SLC2A9: variants seen among roughly 807,000 people sequenced by gnomAD.
The protein encoded by SLC2A9 is solute carrier family 2 member 9.
SLC2A9 carries 39 observed loss-of-function variants against 50.6 expected under a neutral mutation model. The observed-to-expected ratio is 0.77, with a 90% confidence interval of 0.60 to 1.01. The LOEUF is 1.01. Among genes scored for constraint, SLC2A9 ranks in the 50% least tolerant of loss-of-function variants. The pLI is 0.00. For synonymous variants in SLC2A9, 324 were observed against 276.9 expected (o/e 1.17, Z -1.69); for missense variants, 686 against 677.6 (o/e 1.01, Z -0.14).
At chr4:9,775,742 C>A (rs1263488562), downstream of SLC2A9, among the ~76,000 whole-genome samples, 1 of 152,152 alleles carries the variant, frequency 6.6e-6, no homozygotes, top group African/African-American at 2.4e-5. Flanking sequence ...CAGATGCCAG[C>A]ACCATGCTTC....
chr4:9,992,703 A>AT (rs1372143796), intron 3 of SLC2A9, among the ~76,000 whole-genome samples: 1 of 152,150 alleles, frequency 6.6e-6, no homozygotes, highest in East Asian at 1.9e-4. Context: ...ACAGATTTGG[A>AT]TTTTTTAAAA....
At chr4:9,916,222 C>T (rs763537612) in intron 7 of SLC2A9, among the ~76,000 whole-genome samples, 1 of 152,140 alleles carries the variant, frequency 6.6e-6, no homozygotes, top group Non-Finnish European at 1.5e-5. Flanking sequence ...CAACGATTTC[C>T]CAACTAAGTG....
At chr4:9,985,858 C>A (rs1357040904) in intron 3 of SLC2A9, 65 bp from the exon 4 acceptor site, 1 of 1,610,436 alleles carries the variant, frequency 6.2e-7, no homozygotes, top group Non-Finnish European at 8.5e-7. Context: ...AACTGTCCAT[C>A]CCAGGAGCAG....
At chr4:9,881,264 C>T (rs1397386745) in intron 10 of SLC2A9, among the ~76,000 whole-genome samples, 1 of 152,240 alleles carries the variant, frequency 6.6e-6, no homozygotes, top group African/African-American at 2.4e-5. Flanking sequence ...TGGGCCCTAG[C>T]CCTCCAAGAT....
intron 10 of SLC2A9, among the ~76,000 whole-genome samples, chr4:9,886,541 A>G (rs142508886): frequency 1.6e-3 from 249 of 151,086 alleles, no homozygotes; most frequent in African/African-American, 5.8e-3. Context: ...CCACCTTGCC[A>G]TCTTATTATA....
intron 10 of SLC2A9, among the ~76,000 whole-genome samples, chr4:9,853,034 G>A (rs1560194105): frequency 6.6e-6 from 1 of 152,148 alleles, no homozygotes; most frequent in Non-Finnish European, 1.5e-5. Context: ...AAATTAGCTG[G>A]ATGTGGTGGT....
chr4:9,967,776 T>A (rs1318375647), intron 5 of SLC2A9, among the ~76,000 whole-genome samples: 1 of 151,744 alleles, frequency 6.6e-6, no homozygotes, highest in Non-Finnish European at 1.5e-5. Flanking sequence ...GGTAAATGTT[T>A]TTTCCTAAAA....
At chr4:9,968,408 T>TTTGTTAGCTCCTATAACTTCTTCCTC (rs1342483699) in intron 5 of SLC2A9, among the ~76,000 whole-genome samples, 1 of 152,196 alleles carries the variant, frequency 6.6e-6, no homozygotes, top group Non-Finnish European at 1.5e-5. Flanking sequence ...CTTCAACTTC[T>TTTGTTAGCTCCTATAACTTCTTCCTC]TTGTTAGCTC....
At chr4:9,986,834 T>C (rs1035679956) in intron 3 of SLC2A9, among the ~76,000 whole-genome samples, 2 of 152,200 alleles carry the variant, frequency 1.3e-5, no homozygotes, top group African/African-American at 2.4e-5. Context: ...TTCAAATACC[T>C]GACTTGTTTG....
downstream of SLC2A9, among the ~76,000 whole-genome samples, chr4:9,778,074 T>A (rs577025197): frequency 3.1e-4 from 46 of 147,912 alleles, 1 homozygote; most frequent in South Asian, 1.0e-2. Flanking sequence ...CCTTCCTTCC[T>A]TCCTTCCTTC....
At chr4:9,969,391 A>C (rs186066844) in intron 5 of SLC2A9, among the ~76,000 whole-genome samples, 5 of 152,206 alleles carry the variant, frequency 3.3e-5, no homozygotes, top group Non-Finnish European at 7.3e-5. Flanking sequence ...GGTAGTTTTA[A>C]ATTTTTGTCA....
intron 3 of SLC2A9, among the ~76,000 whole-genome samples, chr4:9,805,696 T>C (rs1404815772): frequency 6.7e-6 from 1 of 148,428 alleles, no homozygotes; most frequent in African/African-American, 2.6e-5. Context: ...AGTTTTTTTT[T>C]TTTTTTTTTG....
At chr4:9,794,630 G>A (rs1225763394), downstream of SLC2A9, among the ~76,000 whole-genome samples, 2 of 152,210 alleles carry the variant, frequency 1.3e-5, no homozygotes, top group African/African-American at 4.8e-5. Flanking sequence ...TAGTAAGAGT[G>A]TGGGGATGAC....
At chr4:9,795,851 G>A (rs1253488468), downstream of SLC2A9, among the ~76,000 whole-genome samples, 1 of 152,152 alleles carries the variant, frequency 6.6e-6, no homozygotes, top group Non-Finnish European at 1.5e-5. Flanking sequence ...GGGAACCAAA[G>A]AGCAGCATGA....
chr4:9,855,428 C>T (rs1730582578), intron 10 of SLC2A9, among the ~76,000 whole-genome samples: 1 of 152,064 alleles, frequency 6.6e-6, no homozygotes, highest in African/African-American at 2.4e-5. Context: ...AAGATCCCTA[C>T]AATGAAAATT....
chr4:9,886,390 T>C (rs1380684962), intron 10 of SLC2A9, among the ~76,000 whole-genome samples: 1 of 151,780 alleles, frequency 6.6e-6, no homozygotes, highest in East Asian at 1.9e-4. Flanking sequence ...CTTGCTTTCT[T>C]TTTCTTGCAG....
At chr4:9,924,435 CTGAG>C (rs890898883) in intron 6 of SLC2A9, among the ~76,000 whole-genome samples, 1 of 152,198 alleles carries the variant, frequency 6.6e-6, no homozygotes, top group African/African-American at 2.4e-5. Context: ...TCACAGACAC[CTGAG>C]TGAGTCCTAC....
At chr4:9,999,832 G>C (rs1036827903) in intron 2 of SLC2A9, among the ~76,000 whole-genome samples, 4 of 152,140 alleles carry the variant, frequency 2.6e-5, no homozygotes, top group African/African-American at 7.2e-5. Context: ...GGCACACTTG[G>C]GGGGCACTGC....
At chr4:9,901,233 A>ATTTG (rs1441628424) in intron 8 of SLC2A9, among the ~76,000 whole-genome samples, 4 of 151,984 alleles carry the variant, frequency 2.6e-5, no homozygotes, top group Non-Finnish European at 5.9e-5. Flanking sequence ...GTCCTGTAAC[A>ATTTG]TTTGTTAAAT....
Sources: allele counts gnomAD v4.1 joint callset (sites outside exome capture counted in the v4.1 genomes callset), GRCh38; gene constraint gnomAD v4.1.1; transcripts MANE v1.5; gene names NCBI Gene and HGNC (gene_info 2026-07-23, HGNC 2026-07-21).